Variants in RIPOR1 observed in about 807,000 individuals in gnomAD.
The protein encoded by RIPOR1 is rho family-interacting cell polarization regulator 1.
Under a neutral mutation model 116.5 loss-of-function variants are expected in RIPOR1, and 58 were observed. That is an observed-to-expected ratio of 0.50 (90% confidence interval 0.40 to 0.62). The LOEUF (loss-of-function observed/expected upper bound fraction) is 0.62. RIPOR1 is among the 20% of genes least tolerant of loss of function. The pLI is 0.00. For synonymous variants in RIPOR1, 605 were observed against 650.0 expected, an observed-to-expected ratio of 0.93 and a Z score of 1.05; for missense variants, 1,372 against 1,586.2, an observed-to-expected ratio of 0.86 and a Z score of 2.29.
At chr16:67,539,127 G>GCCCTGGGCAAGGA in intron 4 of RIPOR1, 59 bp downstream of exon 4, 1 of 1,413,686 alleles carries the variant, frequency 7.1e-7, no homozygotes, top group Non-Finnish European at 9.8e-7. Flanking sequence ...CTGGGCAAGG[G>GCCCTGGGCAAGGA]CAGCCCTGGG....
In RIPOR1 at chr16:67,542,072, A is replaced by G; in HGVS notation, c.1286A>G (p.Glu429Gly). Residue 429 changes from glutamate to glycine, a missense_variant, in exon 13 of 22, where the codon GAG (glutamate) becomes GGG (glycine). This residue lies in a region of RIPOR1 where 1,005 missense variants were observed against 1,144.7 expected (regional missense o/e 0.88). Coordinates refer to ENST00000042381, the MANE Select transcript of RIPOR1 (RefSeq NM_024519.4). The surrounding 1 kb of genome is among the most constrained non-coding windows in gnomAD (Gnocchi z 4.6). Reference sequence around the variant, plus strand: ...ACCCCCAGCTCTGGGCCCTTGGATGAGGAGGGGGCCGTGGCCCCAGTCCTG... The same window carrying G: ...ACCCCCAGCTCTGGGCCCTTGGATGGGGAGGGGGCCGTGGCCCCAGTCCTG... ...PETPSSGPLDEEGAVAPVLAN... is the reference protein window; with the variant it reads ...PETPSSGPLDGEGAVAPVLAN... 3 of 1,605,798 alleles carry G rather than the reference A, an allele frequency of 1.9e-6. No homozygotes were observed. In the East Asian group the frequency reaches 6.7e-5, roughly 36 times the overall value.
In RIPOR1 at chr16:67,530,411, G is replaced by C. The variant is rs1436681133; in HGVS notation, c.-24+1497G>C. Among the ~76,000 whole-genome samples, 1 of 152,230 alleles carries C rather than the reference G, an allele frequency of 6.6e-6. No individual in the cohort carries two copies. Among genetic ancestry groups the C allele is most frequent in the Non-Finnish European group, 1.5e-5 (1 of 68,028 alleles). On this transcript the variant is annotated intron_variant, in intron 1 of 21. Coordinates refer to ENST00000042381, the MANE Select transcript of RIPOR1 (RefSeq NM_024519.4). The surrounding 1 kb of genome is among the most constrained non-coding windows in gnomAD (Gnocchi z 4.5). ...CCCTCCTATACGCTTGGGCAGCTGC[G>C]AGATGACGTCAGCCGCCGGGTTTGG... is the stretch of plus-strand genomic sequence containing the variant.
At position 67,541,233 on chromosome 16, in the gene RIPOR1, A is replaced by T. The variant is rs1305231787; in HGVS notation, c.802-197A>T. The T allele has an allele frequency of 2.1e-3, 827 of 403,404 alleles. No individual in the cohort carries two copies. Among genetic ancestry groups the T allele is most frequent in the South Asian group, 3.4e-3 (74 of 21,818 alleles). The allele number at this position is 403,404 out of a possible 1,614,324, so 25.0% of individuals were successfully genotyped here. ...GGTGCACCACCATGCCTGGCTAAAA[A>T]TTTTTTTTTTTTTTTTTTTTGAGAC... is the stretch of plus-strand genomic sequence containing the variant. On this transcript the variant is annotated intron_variant, in intron 10 of 21. Transcript: ENST00000042381. This position sits in a 1 kb window ranked among gnomAD's most constrained non-coding sequence, Gnocchi z 4.6.
At position 67,542,213 on chromosome 16, in the gene RIPOR1, G is replaced by T. The variant is rs2051008424; in HGVS notation, c.1427G>T (p.Gly476Val). The T allele has an allele frequency of 1.2e-6, 2 of 1,613,528 alleles. No homozygotes were observed. The highest frequency in any genetic ancestry group is 1.7e-6 in the Non-Finnish European group (2 of 1,179,720). The part of the protein sequence containing the change: ...EAVGPESLAW[G>V]PSPPTHPAPT... ...GTTGGCCCAGAAAGCCTAGCCTGGGGACCTAGCCCACCTACACACCCAGCT... is the reference window on the plus strand; with the variant it reads ...GTTGGCCCAGAAAGCCTAGCCTGGGTACCTAGCCCACCTACACACCCAGCT... Residue 476 changes from glycine (G) to valine (V), a missense_variant, in exon 13 of 22, where the codon GGA (glycine) becomes GTA (valine). By Grantham distance (109) the Gly-to-Val change is moderately radical. Around this residue, in one of 3 missense-constraint regions of RIPOR1, gnomAD observed 1,005 missense variants for 1,144.7 expected, o/e 0.88. Coordinates refer to ENST00000042381, the MANE Select transcript of RIPOR1 (RefSeq NM_024519.4). The surrounding 1 kb of genome is among the most constrained non-coding windows in gnomAD (Gnocchi z 4.6).
intron 4 of RIPOR1, 22 bp downstream of exon 4, chr16:67,539,090 T>A: frequency 1.2e-6 from 2 of 1,603,126 alleles, no homozygotes; most frequent in Non-Finnish European, 1.7e-6. Flanking sequence ...GAGGTACGGA[T>A]GCCCTTTGCC....
intron 1 of RIPOR1, chr16:67,538,002 T>TG: frequency 6.0e-6 from 1 of 167,584 alleles, no homozygotes; most frequent in Non-Finnish European, 1.2e-5. Flanking sequence ...GCTCCCGGGG[T>TG]GGGGGGCCCC....
In RIPOR1 at chr16:67,529,962, A is replaced by G. The variant is rs2050611507; in HGVS notation, c.-24+1048A>G. 1.3e-6 allele frequency: 1 copy of G among 784,896 alleles called. No individual in the cohort carries two copies. Among genetic ancestry groups the G allele is most frequent in the South Asian group, 1.5e-5 (1 of 68,836 alleles). 48.6% of individuals were successfully genotyped at this position (784,896 alleles called of 1,614,324 possible). A position where few individuals can be genotyped will look rare whatever the true frequency, so the allele number is the denominator to read the frequency against. On this transcript the variant is annotated intron_variant, in intron 1 of 21. Transcript: ENST00000042381. The surrounding 1 kb of genome is among the most constrained non-coding windows in gnomAD (Gnocchi z 4.1). ...CCACCTCCGTGGTATTGGAGGGAGG[A>G]GAGGAATGATAATTGGGGGCTGAGG...
Position 67,544,808 on chromosome 16 carries a change from C to G in RIPOR1, c.2847C>G (p.Ile949Met). The part of the protein sequence containing the change: ...AVCEFSRRWE[I>M]PASSAQEVVQ... ...GCGAGTTCAGCAGGCGGTGGGAGAT[C>G]CCGGCCAGCTCTGCCCAGGAAGGTA... The change falls in exon 16 of 22, where the codon ATC (isoleucine) becomes ATG (methionine). Residue 949 changes from isoleucine (I) to methionine (M), a missense_variant. Ile to Met is a conservative substitution (Grantham distance 10). This residue lies in a region of RIPOR1 where 1,005 missense variants were observed against 1,144.7 expected (regional missense o/e 0.88). Coordinates refer to ENST00000042381, the MANE Select transcript of RIPOR1 (RefSeq NM_024519.4). The surrounding 1 kb of genome is among the most constrained non-coding windows in gnomAD (Gnocchi z 5.1). The G allele has an allele frequency of 6.3e-7, 1 of 1,596,818 alleles. No individual in the cohort carries two copies. Among genetic ancestry groups the G allele is most frequent in the Non-Finnish European group, 8.6e-7 (1 of 1,167,368 alleles).
chr16:67,523,971 C>T (rs1445496243), upstream of RIPOR1, among the ~76,000 whole-genome samples: 1 of 152,194 alleles, frequency 6.6e-6, no homozygotes, highest in Non-Finnish European at 1.5e-5. Flanking sequence ...GCCACTACCA[C>T]ACCCAGCCTA....
rs376326486 is a variant in RIPOR1, at chr16:67,538,641, C to T, written c.105-31C>T. ...AGTGAGAGTCTGGGGGACTCCTGCT[C>T]TCCTCTTTCTGAGGACAGCCTCTCC... On this transcript the variant is annotated intron_variant, in intron 2 of 21. Coordinates refer to ENST00000042381, the MANE Select transcript of RIPOR1 (RefSeq NM_024519.4). The T allele has an allele frequency of 2.5e-6, 4 of 1,610,702 alleles. No homozygotes were observed. The African/African-American group carries it at 4.0e-5, about 16-fold the overall frequency.
Position 67,544,314 on chromosome 16 carries a change from G to T in RIPOR1, c.2616G>T (p.Pro872=). Residue 872 remains proline (P), a synonymous_variant, in exon 15 of 22, where the codon CCG becomes CCT. Coordinates refer to ENST00000042381, the MANE Select transcript of RIPOR1 (RefSeq NM_024519.4). This position sits in a 1 kb window ranked among gnomAD's most constrained non-coding sequence, Gnocchi z 5.1. ...DVPGDRPPSS[P]EAGAEDSIDS... is the part of the protein sequence containing the mutation. ...TTTCCCTCAGGCCTCCAAGCAGCCC[G>T]GAGGCTGGGGCTGAGGACAGCATAG... 2 of 1,606,062 alleles carry T rather than the reference G, an allele frequency of 1.2e-6. No homozygotes were observed. Among genetic ancestry groups the T allele is most frequent in the Non-Finnish European group, 1.7e-6 (2 of 1,173,856 alleles).
intron 1 of RIPOR1, among the ~76,000 whole-genome samples, chr16:67,521,936 T>C (rs866214662): frequency 7.9e-5 from 12 of 152,224 alleles, no homozygotes; most frequent in African/African-American, 2.7e-4. Context: ...ACGGGCATTG[T>C]GGCTCTCAGG....
chr16:67,541,176 C>A lies in RIPOR1; in HGVS notation c.802-254C>A, dbSNP rs1251402606. 3.3e-5 allele frequency among the ~76,000 whole-genome samples: 5 copies of A among 152,044 alleles called. No individual in the cohort carries two copies. The highest frequency in any genetic ancestry group is 2.0e-4 in the Admixed American group (3 of 15,258). On this transcript the variant is annotated intron_variant, in intron 10 of 21. Coordinates refer to ENST00000042381, the MANE Select transcript of RIPOR1 (RefSeq NM_024519.4). This position sits in a 1 kb window ranked among gnomAD's most constrained non-coding sequence, Gnocchi z 4.6. ...AAACTCCTGGGCTCAACCCATCCTC[C>A]CACTTCAGCCTCCCAAGTAGCTGGG...
chr16:67,537,570 G>A lies in RIPOR1; in HGVS notation c.-23-854G>A. 1 of 1,411,352 alleles carries A rather than the reference G, an allele frequency of 7.1e-7. No homozygotes were observed. Among genetic ancestry groups the A allele is most frequent in the Non-Finnish European group, 9.3e-7 (1 of 1,080,902 alleles). The allele number at this position is 1,411,352 out of a possible 1,614,324, so 87.4% of individuals were successfully genotyped here. On this transcript the variant is annotated intron_variant, in intron 1 of 21. Coordinates refer to ENST00000042381, the MANE Select transcript of RIPOR1 (RefSeq NM_024519.4). The surrounding 1 kb of genome is among the most constrained non-coding windows in gnomAD (Gnocchi z 4.6). ...GCGAGCGCGGGTCGGGGGCCGTCCC[G>A]GACCCACCATGAACACCAAGAAGAG...
In RIPOR1 at chr16:67,542,525, C is replaced by G; in HGVS notation, c.1739C>G (p.Ser580Cys). The G allele has an allele frequency of 6.2e-7, 1 of 1,613,946 alleles. No individual in the cohort carries two copies. The highest frequency in any genetic ancestry group is 1.1e-5 in the South Asian group (1 of 91,074). ...GGCTCCACCCACAAGCCCATAATCT[C>G]TACCCTTACTACTACAGGCCCTACC... Reference protein sequence around the residue: ...TTGSTHKPIISTLTTTGPTLN... With the variant: ...TTGSTHKPIICTLTTTGPTLN... Residue 580 changes from serine (S) to cysteine (C), a missense_variant, in exon 13 of 22, where the codon TCT becomes TGT. By Grantham distance (112) the Ser-to-Cys change is moderately radical (BLOSUM62 -1). This residue lies in a region of RIPOR1 where 1,005 missense variants were observed against 1,144.7 expected (regional missense o/e 0.88). Coordinates refer to ENST00000042381, the MANE Select transcript of RIPOR1 (RefSeq NM_024519.4). The surrounding 1 kb of genome is among the most constrained non-coding windows in gnomAD (Gnocchi z 4.6).
In RIPOR1 at chr16:67,531,527, G is replaced by A; in HGVS notation, c.-24+2613G>A. On this transcript the variant is annotated intron_variant, in intron 1 of 21. Coordinates refer to ENST00000042381, the MANE Select transcript of RIPOR1 (RefSeq NM_024519.4). The surrounding 1 kb of genome is among the most constrained non-coding windows in gnomAD (Gnocchi z 4.2). ...CAGGGCCTGCTTCCTGGAGGAAGAAGTCATAGGGTAGACTTGAGGAAGGAG... is the reference window on the plus strand; with the variant it reads ...CAGGGCCTGCTTCCTGGAGGAAGAAATCATAGGGTAGACTTGAGGAAGGAG... 2.4e-6 allele frequency: 1 copy of A among 425,384 alleles called. No homozygotes were observed. The allele number at this position is 425,384 out of a possible 1,614,324, so 26.4% of individuals were successfully genotyped here.
chr16:67,523,521 T>TAAAAAA (rs1169903442), intron 1 of RIPOR1, among the ~76,000 whole-genome samples: 1 of 44,040 alleles, frequency 2.3e-5, no homozygotes, highest in Non-Finnish European at 4.9e-5. Flanking sequence ...CAAGACTCCA[T>TAAAAAA]AAAAAAAAAA....
In RIPOR1 at chr16:67,544,914, C is replaced by T. The variant is rs371388018; in HGVS notation, c.2870-42C>T. The T allele has an allele frequency of 1.5e-5, 24 of 1,607,824 alleles. No homozygotes were observed. Among genetic ancestry groups the T allele is most frequent in the African/African-American group, 2.7e-5 (2 of 74,894 alleles). ...CTGCCATCTGCATGCTCTCTACTCA[C>T]CTGCCTGCCTGTTGCTGACGGTTTC... On this transcript the variant is annotated intron_variant, in intron 16 of 21. Transcript: ENST00000042381. The surrounding 1 kb of genome is among the most constrained non-coding windows in gnomAD (Gnocchi z 5.1).
intron 1 of RIPOR1, among the ~76,000 whole-genome samples, chr16:67,521,382 C>T (rs898494743): frequency 6.6e-6 from 1 of 152,188 alleles, no homozygotes; most frequent in Non-Finnish European, 1.5e-5. Context: ...TCTCCTACCA[C>T]CACACCCTCC....
Sources: gnomAD v4.1 joint callset for allele counts (sites outside exome capture counted in the v4.1 genomes callset) on GRCh38, gnomAD v4.1.1 for gene constraint, gnomAD v4.1.1 regional missense constraint, Gnocchi (gnomAD v3.1) non-coding constraint, MANE v1.5 for transcripts, NCBI Gene and HGNC (gene_info 2026-07-23, HGNC 2026-07-21) for gene names.